The following ANK3 variants were observed in gnomAD, a reference collection of about 807,000 sequenced individuals.
The protein encoded by ANK3 is ankyrin-3.
Under a neutral mutation model 370.9 loss-of-function variants are expected in ANK3, and 57 were observed. The observed-to-expected ratio is 0.15, with a 90% CI of 0.12 to 0.19. ANK3 has a LOEUF of 0.19. Ranked by LOEUF, ANK3 falls within the 10% of genes least tolerant of loss-of-function variation. ANK3 has a pLI of 1.00. For synonymous variants in ANK3, 1,929 were observed against 1,946.3 expected (o/e 0.99, Z 0.23); for missense variants, 4,439 against 5,302.1 (o/e 0.84, Z 5.06).
At chr10:60,644,938 A>C (rs934374454) in intron 1 of ANK3, among the ~76,000 whole-genome samples, 1 of 144,860 alleles carries the variant, frequency 6.9e-6, no homozygotes, top group Non-Finnish European at 1.5e-5. Flanking sequence ...CTGATGTTCA[A>C]ATTTAAACAT....
At chr10:60,218,554 G>A (rs556509572) in intron 8 of ANK3, among the ~76,000 whole-genome samples, 98 of 152,172 alleles carry the variant, frequency 6.4e-4, no homozygotes, top group African/African-American at 2.2e-3. Context: ...TTAGTTTTTA[G>A]CTGGATATGA....
chr10:60,228,631 C>T (rs566575081), intron 8 of ANK3, among the ~76,000 whole-genome samples: 1 of 150,698 alleles, frequency 6.6e-6, no homozygotes, highest in Admixed American at 6.6e-5. Context: ...TCATAATTTA[C>T]AAAACACTAA....
intron 6 of ANK3, among the ~76,000 whole-genome samples, chr10:60,263,335 C>T (rs1400924676): frequency 1.3e-5 from 2 of 152,160 alleles, no homozygotes; most frequent in Admixed American, 6.5e-5. Context: ...GTCCAAATGT[C>T]ACATTTCCGT....
intron 1 of ANK3, among the ~76,000 whole-genome samples, chr10:60,358,223 A>G (rs999097438): frequency 6.8e-4 from 104 of 152,136 alleles, no homozygotes; most frequent in African/African-American, 2.4e-3. Flanking sequence ...GCTCCAATAT[A>G]TTGTTTTACT....
chr10:60,530,042 C>T (rs10761515), intron 2 of ANK3, among the ~76,000 whole-genome samples: 89,727 of 152,004 alleles, frequency 0.59, 26,972 homozygotes, highest in East Asian at 0.79. Context: ...GTCTTGAGAA[C>T]GTCTCCCTCT....
At chr10:60,205,096 G>A (rs2096741290) in intron 11 of ANK3, among the ~76,000 whole-genome samples, 1 of 152,144 alleles carries the variant, frequency 6.6e-6, no homozygotes, top group Non-Finnish European at 1.5e-5. Context: ...GAAAGGGTAG[G>A]TGTCAGGCTT....
chr10:60,671,816 G>A (rs1347411511), intron 1 of ANK3, among the ~76,000 whole-genome samples: 1 of 152,222 alleles, frequency 6.6e-6, no homozygotes, highest in African/African-American at 2.4e-5. Flanking sequence ...CCAATTGTGA[G>A]GACTTTCAAG....
chr10:60,134,440 T>A (rs2094238946), intron 24 of ANK3, 67 bp from the exon 25 acceptor site: 2 of 1,232,604 alleles, frequency 1.6e-6, no homozygotes, highest in Non-Finnish European at 2.3e-6. Flanking sequence ...AAAAAATTAA[T>A]GCATGCAACT....
At chr10:60,032,194 C>CTTTTTT (rs552219776) in intron 43 of ANK3, among the ~76,000 whole-genome samples, 770 of 43,088 alleles carry the variant, frequency 0.018, 205 homozygotes, top group Non-Finnish European at 0.025. Context: ...TACACAGCTT[C>CTTTTTT]TTTTTTTTTT....
At chr10:60,334,630 A>G (rs1190591883) in intron 1 of ANK3, among the ~76,000 whole-genome samples, 1 of 152,154 alleles carries the variant, frequency 6.6e-6, no homozygotes, top group Non-Finnish European at 1.5e-5. Context: ...CTTCGCAGCA[A>G]GTTTTCTAAT....
At chr10:60,725,171 T>C (rs571321075) in intron 1 of ANK3, among the ~76,000 whole-genome samples, 32 of 152,316 alleles carry the variant, frequency 2.1e-4, no homozygotes, top group African/African-American at 7.5e-4. Flanking sequence ...CTTCACACTC[T>C]TATCTTTTCA....
rs147319073 is a variant in ANK3 at position 60,203,067 on chromosome 10, T to C, written c.1327A>G (p.Met443Val). Residue 443 changes from methionine to valine, a missense_variant, in exon 12 of 44, where the codon ATG (methionine) becomes GTG (valine). Transcript: ENST00000280772. ...TGTGATACAATATTTACATGCCCCA[T>C]GAAGGCAGCAACATGGATTGGGGTA... ...GLTPIHVAAF[M>V]GHVNIVSQLM... 1.8e-5 allele frequency: 29 copies of C among 1,613,596 alleles called. No individual in the cohort carries two copies. Among genetic ancestry groups the C allele is most frequent in the Non-Finnish European group, 2.5e-5 (29 of 1,179,752 alleles).
intron 1 of ANK3, among the ~76,000 whole-genome samples, chr10:60,703,253 T>C (rs553912100): frequency 6.6e-6 from 1 of 152,350 alleles, no homozygotes; most frequent in African/African-American, 2.4e-5. Flanking sequence ...AGTTTAGGTA[T>C]GACTGAAGAT....
intron 2 of ANK3, among the ~76,000 whole-genome samples, chr10:60,549,772 A>C (rs1160345753): frequency 6.6e-6 from 1 of 152,176 alleles, no homozygotes; most frequent in Admixed American, 6.5e-5. Context: ...GAAAGAGGAG[A>C]TCCAAAGCAG....
intron 2 of ANK3, among the ~76,000 whole-genome samples, chr10:60,585,753 G>A (rs2077821795): frequency 6.6e-6 from 1 of 152,198 alleles, no homozygotes. Context: ...GCTGGGTGCA[G>A]TGGCTCACGT....
At chr10:60,378,131 A>G (rs1212999505) in intron 1 of ANK3, among the ~76,000 whole-genome samples, 2 of 152,176 alleles carry the variant, frequency 1.3e-5, no homozygotes, top group African/African-American at 2.4e-5. Context: ...GGCCTGTGAG[A>G]CTTTTCTATC....
At chr10:60,332,602 A>G (rs2051639752) in intron 1 of ANK3, among the ~76,000 whole-genome samples, 2 of 152,346 alleles carry the variant, frequency 1.3e-5, no homozygotes, top group South Asian at 2.1e-4. Context: ...TAAAGTGACA[A>G]CTGTCAGTAT....
At position 60,531,869 on chromosome 10, in the gene ANK3, C is replaced by G. The variant is rs1391971168; in HGVS notation, c.96+83317G>C. 2.0e-5 allele frequency among the ~76,000 whole-genome samples: 3 copies of G among 152,034 alleles called. No homozygotes were observed. The East Asian group carries it at 5.8e-4, about 29-fold the overall frequency. On this transcript the variant is annotated intron_variant, in intron 2 of 43. Coordinates refer to the ANK3 transcript ENST00000373827. ...CATTTCAGACCTCTTGAAAAGATAT[C>G]TCTAGGAATGGGGCCAGGAATCAGG...
chr10:60,258,122 G>T (rs563348544), intron 7 of ANK3, among the ~76,000 whole-genome samples: 22 of 152,342 alleles, frequency 1.4e-4, no homozygotes, highest in African/African-American at 5.0e-4. Context: ...ATCAGTACTA[G>T]CTCTAGTATG....
Sources: gnomAD v4.1 joint callset for allele counts (sites outside exome capture counted in the v4.1 genomes callset) on GRCh38, gnomAD v4.1.1 for gene constraint, MANE v1.5 for transcripts, NCBI Gene and HGNC (gene_info 2026-07-23, HGNC 2026-07-21) for gene names.